The following SERPINB1 variants were observed in gnomAD, a reference collection of about 807,000 sequenced individuals.
SERPINB1 encodes the protein leukocyte elastase inhibitor.
SERPINB1 carries 23 observed loss-of-function variants against 25.9 expected under a neutral mutation model. The ratio of observed to expected loss-of-function variants is 0.89; its 90% CI spans 0.64 to 1.26. The LOEUF (loss-of-function observed/expected upper bound fraction) is 1.26, where lower values mean the gene tolerates loss of function less well. Among genes scored for constraint, SERPINB1 ranks in the 50% most tolerant of loss-of-function variants. The pLI, the probability that SERPINB1 is intolerant of heterozygous loss-of-function variation, is 0.00. For synonymous variants in SERPINB1, 178 were observed against 178.7 expected, an observed-to-expected ratio of 1.00 and a Z score of 0.03; for missense variants, 399 against 463.6, an observed-to-expected ratio of 0.86 and a Z score of 1.28.
In SERPINB1 at chr6:2,836,526, T is replaced by TTC. The variant is rs60689685; in HGVS notation, c.425-278_425-277dup. Among the ~76,000 whole-genome samples the TTC allele has an allele frequency of 2.2e-3, 334 of 152,202 alleles. 2 individuals are homozygous for TTC. The highest frequency in any genetic ancestry group is 7.7e-3 in the African/African-American group (320 of 41,514). ...TGCCGAAAGACAAAAGACAGGAAAA[T>TTC]TCTCCTTTTCTGGACTGTATGATAA... On this transcript the variant is annotated intron_variant, in intron 4 of 6. Transcript: ENST00000380739.
Position 2,836,031 on chromosome 6 carries a change from G to A in SERPINB1, c.568-8C>T, listed in dbSNP as rs753773654. The A allele has an allele frequency of 6.2e-7, 1 of 1,613,218 alleles. No homozygotes were observed. Among genetic ancestry groups the A allele is most frequent in the East Asian group, 2.2e-5 (1 of 44,860 alleles). Reference sequence around the variant, plus strand: ...CACAGTTTTTCTGTCTTTCTGAACAGTTTTAAAAAATCACTGAAATTATTC... The same window carrying A: ...CACAGTTTTTCTGTCTTTCTGAACAATTTTAAAAAATCACTGAAATTATTC... On this transcript the variant is annotated splice_region_variant and splice_polypyrimidine_tract_variant and intron_variant, in intron 5 of 6. Transcript: ENST00000380739.
rs1766409573 is a variant in SERPINB1, at chr6:2,833,833, A to G, written c.915T>C (p.Ser305=). ...AAATATCTCTGGCTCCTGACATGCC[A>G]GACAGATCAGCCTTGCTACTGTTAA... The part of the protein sequence containing the change: ...DLFNSSKADL[S]GMSGARDIFI... The change falls in exon 7 of 7, where the codon TCT becomes TCC. Residue 305 remains serine (S), a synonymous_variant. Transcript: ENST00000380739. 6.2e-7 allele frequency: 1 copy of G among 1,614,200 alleles called. No individual in the cohort carries two copies. Among genetic ancestry groups the G allele is most frequent in the Admixed American group, 1.7e-5 (1 of 60,020 alleles).
chr6:2,834,930 G>T (rs1286060486), intron 6 of SERPINB1, among the ~76,000 whole-genome samples: 1 of 152,146 alleles, frequency 6.6e-6, no homozygotes, highest in Non-Finnish European at 1.5e-5. Flanking sequence ...ATAGCTATTG[G>T]ACTGGAATAG....
intron 2 of SERPINB1, among the ~76,000 whole-genome samples, chr6:2,839,836 C>CT (rs397712408): frequency 4.1e-3 from 93 of 22,882 alleles, no homozygotes; most frequent in African/African-American, 8.0e-3. Flanking sequence ...CCTGAAGCTG[C>CT]GGGTCTCCCC....
rs778005301 is a variant in SERPINB1, at chr6:2,840,405, T to C, written c.168+14A>G. The C allele has an allele frequency of 1.2e-6, 2 of 1,613,714 alleles. No individual in the cohort carries two copies. Among genetic ancestry groups the C allele is most frequent in the Non-Finnish European group, 1.7e-6 (2 of 1,179,984 alleles). ...ATGGGAGGAAAGCAGACCCTTTTTTTTGTTTCTGCTGACCTTGGACAGCTG... is the reference window on the plus strand; with the variant it reads ...ATGGGAGGAAAGCAGACCCTTTTTTCTGTTTCTGCTGACCTTGGACAGCTG... On this transcript the variant is annotated intron_variant, in intron 2 of 6. Transcript: ENST00000380739.
Position 2,837,050 on chromosome 6 carries a change from CAAGTCAGT to C in SERPINB1, c.425-808_425-801del, listed in dbSNP as rs149062237. ...AAAGAAATAAATTGCACCCTAAAAG[CAAGTCAGT>C]CCCCACCTACCACAACTTTTTTACT... On this transcript the variant is annotated intron_variant, in intron 4 of 6. Coordinates refer to ENST00000380739, the MANE Select transcript of SERPINB1 (RefSeq NM_030666.4). This position sits in a 1 kb window ranked among gnomAD's most constrained non-coding sequence, Gnocchi z 4.3. 0.025 allele frequency among the ~76,000 whole-genome samples: 3,856 copies of C among 152,194 alleles called. 47 individuals are homozygous for C. Among genetic ancestry groups the C allele is most frequent in the Middle Eastern group, 0.048 (14 of 292 alleles).
At chr6:2,840,740 G>T in intron 1 of SERPINB1, 146 bp from the exon 2 acceptor site, 1 of 733,310 alleles carries the variant, frequency 1.4e-6, no homozygotes, top group Non-Finnish European at 2.1e-6. Flanking sequence ...TTTTATTCCA[G>T]CAGGGCAAGA....
In SERPINB1 at chr6:2,837,392, C is replaced by A. The variant is rs1766522620; in HGVS notation, c.424+490G>T. Among the ~76,000 whole-genome samples, 1 of 152,056 alleles carries A rather than the reference C, an allele frequency of 6.6e-6. No individual in the cohort carries two copies. The highest frequency in any genetic ancestry group is 1.9e-4 in the East Asian group (1 of 5,188). On this transcript the variant is annotated intron_variant, in intron 4 of 6. Coordinates refer to ENST00000380739, the MANE Select transcript of SERPINB1 (RefSeq NM_030666.4). The surrounding 1 kb of genome is among the most constrained non-coding windows in gnomAD (Gnocchi z 4.3). Reference sequence around the variant, plus strand: ...CTCCTGTGTTCGAGAGATTCTCCTGCCTCAGCCTCCAGAGTAGCTGGGATT... The same window carrying A: ...CTCCTGTGTTCGAGAGATTCTCCTGACTCAGCCTCCAGAGTAGCTGGGATT...
At chr6:2,840,672 T>C in intron 1 of SERPINB1, 78 bp from the exon 2 acceptor site, 2 of 1,409,454 alleles carry the variant, frequency 1.4e-6, no homozygotes, top group Non-Finnish European at 1.9e-6. Flanking sequence ...TCCAGAAGCT[T>C]CCTCAATTTC....
At position 2,833,916 on chromosome 6, in the gene SERPINB1, G is replaced by A. The variant is rs1389676675; in HGVS notation, c.832C>T (p.Leu278=). Residue 278 remains leucine, a synonymous_variant, in exon 7 of 7, where the codon CTG becomes TTG. Coordinates refer to ENST00000380739, the MANE Select transcript of SERPINB1 (RefSeq NM_030666.4). ...EVNVSLPRFK[L]EESYTLNSDL... ...GAGTTGAGAGTGTAACTCTCTTCCA[G>A]TTTGAACCTGGGCAAGCTGACATTA... The A allele has an allele frequency of 6.2e-7, 1 of 1,614,152 alleles. No homozygotes were observed. Among genetic ancestry groups the A allele is most frequent in the Admixed American group, 1.7e-5 (1 of 60,028 alleles).
At chr6:2,840,735 T>G in intron 1 of SERPINB1, 141 bp from the exon 2 acceptor site, 1 of 756,408 alleles carries the variant, frequency 1.3e-6, no homozygotes, top group Non-Finnish European at 2.0e-6. Context: ...CGCTTTTTTA[T>G]TCCAGCAGGG....
Position 2,833,460 on chromosome 6 carries a change from G to A in SERPINB1, c.*148C>T, listed in dbSNP as rs1036962822. 2.6e-6 allele frequency: 2 copies of A among 771,294 alleles called. No individual in the cohort carries two copies. The highest frequency in any genetic ancestry group is 3.9e-6 in the Non-Finnish European group (2 of 514,524). The allele number at this position is 771,294 out of a possible 1,614,324, so 47.8% of individuals were successfully genotyped here. ...ATGCCAAAATTCATGGGTGTAAACA[G>A]CCAACAGAGCCAAACTTACAAAGAA... is the stretch of plus-strand genomic sequence containing the variant. On this transcript the variant is annotated 3_prime_UTR_variant, in exon 7 of 7. Transcript: ENST00000380739.
At position 2,837,931 on chromosome 6, in the gene SERPINB1, A is replaced by G. The variant is rs200961581; in HGVS notation, c.375T>C (p.Ser125=). Residue 125 remains serine (S), a synonymous_variant, in exon 4 of 7, where the codon TCT becomes TCC. Transcript: ENST00000380739. This position sits in a 1 kb window ranked among gnomAD's most constrained non-coding sequence, Gnocchi z 4.3. ...GGTTTATGGTCTTCCTTGCATCTTC[A>G]GAGGCATGCTGAAAATCCACACTGG... is the stretch of plus-strand genomic sequence containing the variant. The part of the protein sequence containing the change: ...DLASVDFQHA[S]EDARKTINQW... 5 of 1,614,152 alleles carry G rather than the reference A, an allele frequency of 3.1e-6. No individual in the cohort carries two copies. The Admixed American group carries it at 6.7e-5, about 22-fold the overall frequency.
intron 6 of SERPINB1, among the ~76,000 whole-genome samples, chr6:2,834,213 A>G (rs560203600): frequency 1.8e-4 from 28 of 152,300 alleles, no homozygotes; most frequent in African/African-American, 6.7e-4. Context: ...GTTCCAAGTC[A>G]TCAAAGGTTC....
chr6:2,833,342 C>A lies in SERPINB1; in HGVS notation c.*266G>T. On this transcript the variant is annotated 3_prime_UTR_variant, in exon 7 of 7. Coordinates refer to ENST00000380739, the MANE Select transcript of SERPINB1 (RefSeq NM_030666.4). ...AGATTACTACATGGTCAAGAATCTA[C>A]GCATCGGATGTATTCTTTTCTTCTT... The A allele has an allele frequency of 2.8e-6, 1 of 353,164 alleles. No individual in the cohort carries two copies. The highest frequency in any genetic ancestry group is 5.1e-6 in the Non-Finnish European group (1 of 196,836). The allele number at this position is 353,164 out of a possible 1,614,324, so 21.9% of individuals were successfully genotyped here.
Position 2,837,822 on chromosome 6 carries a change from G to T in SERPINB1, c.424+60C>A. The T allele has an allele frequency of 3.2e-6, 4 of 1,264,828 alleles. No individual in the cohort carries two copies. The highest frequency in any genetic ancestry group is 2.4e-5 in the South Asian group (2 of 83,440). The allele number at this position is 1,264,828 out of a possible 1,614,324, so 78.4% of individuals were successfully genotyped here. ...GGAATAACTGCAGGTAGGGAAGGCGGACTGAGGAAACGAATGACATGACCA... is the reference window on the plus strand; with the variant it reads ...GGAATAACTGCAGGTAGGGAAGGCGTACTGAGGAAACGAATGACATGACCA... On this transcript the variant is annotated intron_variant, in intron 4 of 6. Coordinates refer to ENST00000380739, the MANE Select transcript of SERPINB1 (RefSeq NM_030666.4). This position sits in a 1 kb window ranked among gnomAD's most constrained non-coding sequence, Gnocchi z 4.3.
In SERPINB1 at chr6:2,835,922, G is replaced by A. The variant is rs1490160933; in HGVS notation, c.669C>T (p.Gly223=). The change falls in exon 6 of 7, where the codon GGC becomes GGT. Residue 223 remains glycine (G), a synonymous_variant. Coordinates refer to ENST00000380739, the MANE Select transcript of SERPINB1 (RefSeq NM_030666.4). ...GCAGGATGACCATGCTGAGCTCCTC[G>A]CCTTGGTAAGGCAGTTCCAGCACAC... ...KCRVLELPYQ[G]EELSMVILLP... 11 of 1,614,100 alleles carry A rather than the reference G, an allele frequency of 6.8e-6. No individual in the cohort carries two copies. Among genetic ancestry groups the A allele is most frequent in the East Asian group, 6.7e-5 (3 of 44,888 alleles).
In SERPINB1 at chr6:2,837,957, C is replaced by A; in HGVS notation, c.349G>T (p.Ala117Ser). 6.2e-7 allele frequency: 1 copy of A among 1,613,984 alleles called. No individual in the cohort carries two copies. The highest frequency in any genetic ancestry group is 8.5e-7 in the Non-Finnish European group (1 of 1,179,988). Residue 117 changes from alanine (A) to serine (S), a missense_variant, in exon 4 of 7, where the codon GCC (alanine) becomes TCC (serine). Ala to Ser is a moderately conservative substitution (Grantham distance 99, BLOSUM62 1). Transcript: ENST00000380739. The surrounding 1 kb of genome is among the most constrained non-coding windows in gnomAD (Gnocchi z 4.3). ...GAGGCATGCTGAAAATCCACACTGG[C>A]CAGGTCAGCACCATATGTTTTCTGA... ...STQKTYGADLASVDFQHASED... is the reference protein window; with the variant it reads ...STQKTYGADLSSVDFQHASED...
At position 2,835,908 on chromosome 6, in the gene SERPINB1, A is replaced by G. The variant is rs1219472935; in HGVS notation, c.683T>C (p.Met228Thr). 6.2e-7 allele frequency: 1 copy of G among 1,614,220 alleles called. No homozygotes were observed. The highest frequency in any genetic ancestry group is 1.7e-5 in the Admixed American group (1 of 60,022). ...ELPYQGEELS[M>T]VILLPDDIED... Reference sequence around the variant, plus strand: ...AATGTCATCCGGCAGCAGGATGACCATGCTGAGCTCCTCGCCTTGGTAAGG... The same window carrying G: ...AATGTCATCCGGCAGCAGGATGACCGTGCTGAGCTCCTCGCCTTGGTAAGG... The change falls in exon 6 of 7, where the codon ATG becomes ACG. Residue 228 changes from methionine (M) to threonine (T), a missense_variant. Transcript: ENST00000380739.
Sources: gnomAD v4.1 joint callset for allele counts (sites outside exome capture counted in the v4.1 genomes callset) on GRCh38, gnomAD v4.1.1 for gene constraint, Gnocchi (gnomAD v3.1) non-coding constraint, MANE v1.5 for transcripts, NCBI Gene and HGNC (gene_info 2026-07-23, HGNC 2026-07-21) for gene names.